DCAF4: variants seen among roughly 807,000 people sequenced by gnomAD.
DCAF4 encodes the protein DDB1 and CUL4 associated factor 4, also known as DDB1- and CUL4-associated factor 4.
Under a neutral mutation model 60.9 loss-of-function variants are expected in DCAF4, and 37 were observed. The observed-to-expected ratio is 0.61, with a 90% confidence interval of 0.47 to 0.80. DCAF4 has a LOEUF of 0.80. Among genes scored for constraint, DCAF4 ranks in the 30% least tolerant of loss-of-function variants. The pLI is 0.00. For synonymous variants in DCAF4, 243 were observed against 254.8 expected, an observed-to-expected ratio of 0.95 and a Z score of 0.44; for missense variants, 577 against 650.0, an observed-to-expected ratio of 0.89 and a Z score of 1.22.
In DCAF4 at chr14:72,940,259, A is replaced by T. The variant is rs539247726; in HGVS notation, c.233A>T (p.Tyr78Phe). 6.2e-7 allele frequency: 1 copy of T among 1,614,128 alleles called. No homozygotes were observed. Among genetic ancestry groups the T allele is most frequent in the Non-Finnish European group, 8.5e-7 (1 of 1,180,038 alleles). Residue 78 changes from tyrosine (Y) to phenylalanine (F), a missense_variant, in exon 4 of 14, where the codon TAC (tyrosine) becomes TTC (phenylalanine). Coordinates refer to ENST00000358377, the MANE Select transcript of DCAF4 (RefSeq NM_015604.4). ...TACTTTGACCCTGAAAAGAAACGCT[A>T]CTTCCGCTTGCTCCCTGGACATAAC... ...GFYFDPEKKR[Y>F]FRLLPGHNNC...
rs766653249 is a variant in DCAF4, at chr14:72,945,985, C to G, written c.636C>G (p.Leu212=). Residue 212 remains leucine, a synonymous_variant, in exon 7 of 14, where the codon CTC becomes CTG. Transcript: ENST00000358377. Reference sequence around the variant, plus strand: ...TGCAAAGTCTGAAGACCCCTACGCTCAAGGTGTTCATGCACGAAAACCTCT... The same window carrying G: ...TGCAAAGTCTGAAGACCCCTACGCTGAAGGTGTTCATGCACGAAAACCTCT... ...INLQSLKTPT[L]KVFMHENLYF... 3.1e-6 allele frequency: 5 copies of G among 1,614,172 alleles called. No homozygotes were observed. The highest frequency in any genetic ancestry group is 4.2e-6 in the Non-Finnish European group (5 of 1,180,034).
intron 5 of DCAF4, 63 bp from the exon 6 acceptor site, chr14:72,942,930 AC>A (rs1235131800): frequency 2.0e-6 from 3 of 1,495,898 alleles, no homozygotes; most frequent in East Asian, 4.5e-5. Flanking sequence ...AAGGCCAGAG[AC>A]CCCCGAATCT....
At chr14:72,929,763 C>G in intron 1 of DCAF4, 1 of 1,043,502 alleles carries the variant, frequency 9.6e-7, no homozygotes, top group East Asian at 2.4e-5. Flanking sequence ...CTCCATGGCG[C>G]GCAGCTCGTA....
chr14:72,932,831 G>C (rs1888740636), intron 1 of DCAF4, among the ~76,000 whole-genome samples: 2 of 152,150 alleles, frequency 1.3e-5, no homozygotes, highest in South Asian at 4.2e-4. Flanking sequence ...AGCCTCCCAA[G>C]CAGTTGGAAC....
chr14:72,949,008 C>T (rs1017015095), intron 8 of DCAF4, among the ~76,000 whole-genome samples: 11 of 152,192 alleles, frequency 7.2e-5, no homozygotes, highest in South Asian at 4.1e-4. Context: ...CACTTCCTTG[C>T]CTTCCAAACC....
At chr14:72,931,756 A>T (rs1415007118) in intron 1 of DCAF4, among the ~76,000 whole-genome samples, 1 of 152,056 alleles carries the variant, frequency 6.6e-6, no homozygotes, top group African/African-American at 2.4e-5. Context: ...CATTTTGTCC[A>T]GTGCTTTTTC....
intron 1 of DCAF4, among the ~76,000 whole-genome samples, chr14:72,930,085 C>A (rs929476017): frequency 1.3e-5 from 2 of 152,144 alleles, no homozygotes; most frequent in African/African-American, 4.8e-5. Flanking sequence ...GAGCGGAGAT[C>A]GCGCCACTGC....
intron 4 of DCAF4, 128 bp from the exon 5 acceptor site, chr14:72,941,617 A>G: frequency 2.0e-5 from 16 of 809,706 alleles, no homozygotes; most frequent in Non-Finnish European, 3.0e-5. Context: ...TCAGATTTTT[A>G]TGCATATAAT....
chr14:72,929,945 A>G, intron 1 of DCAF4: 2 of 966,340 alleles, frequency 2.1e-6, no homozygotes, highest in South Asian at 1.4e-5. Flanking sequence ...GCTGCTCTCC[A>G]TGGCGGCCGT....
At chr14:72,937,280 T>C (rs1889400518) in intron 1 of DCAF4, among the ~76,000 whole-genome samples, 1 of 152,084 alleles carries the variant, frequency 6.6e-6, no homozygotes, top group Non-Finnish European at 1.5e-5. Context: ...CCAGGTGGGA[T>C]GGGTCTCCCT....
At chr14:72,938,147 C>T (rs1889548767) in intron 2 of DCAF4, 77 bp downstream of exon 2, 21 of 1,502,508 alleles carry the variant, frequency 1.4e-5, no homozygotes, top group Admixed American at 2.3e-5. Context: ...CACACGATCA[C>T]AGGTGTGGAG....
downstream of DCAF4, chr14:72,960,701 G>C (rs1892785440): frequency 5.6e-6 from 6 of 1,063,212 alleles, no homozygotes; most frequent in Non-Finnish European, 7.0e-6. Flanking sequence ...GCAGAGACAG[G>C]CAAGTGCTGC....
intron 6 of DCAF4, among the ~76,000 whole-genome samples, chr14:72,944,971 C>A (rs533925818): frequency 1.1e-4 from 16 of 152,242 alleles, no homozygotes; most frequent in Non-Finnish European, 1.9e-4. Context: ...CACCTGTAGT[C>A]CCAGCTACTC....
In DCAF4 at chr14:72,939,902, G is replaced by A; in HGVS notation, c.193G>A (p.Glu65Lys). The change falls in exon 3 of 14, where the codon GAG becomes AAG. Residue 65 changes from glutamate to lysine, a missense_variant and splice_region_variant. Physicochemically the swap from Glu to Lys is moderately conservative, Grantham distance 56. Transcript: ENST00000358377. ...CACAGCTGGGACCTCCTCTGTGCCA[G>A]GTAAGGCCACTTGCGGGGTGGGAAT... is the stretch of plus-strand genomic sequence containing the variant. ...SGTAGTSSVP[E>K]LPGFYFDPEK... is the part of the protein sequence containing the mutation. 6.2e-7 allele frequency: 1 copy of A among 1,603,380 alleles called. No homozygotes were observed. Among genetic ancestry groups the A allele is most frequent in the South Asian group, 1.1e-5 (1 of 89,178 alleles).
Position 72,940,259 on chromosome 14 carries a change from A to C in DCAF4, c.233A>C (p.Tyr78Ser). The C allele has an allele frequency of 6.2e-7, 1 of 1,614,128 alleles. No homozygotes were observed. Among genetic ancestry groups the C allele is most frequent in the Non-Finnish European group, 8.5e-7 (1 of 1,180,038 alleles). ...GFYFDPEKKR[Y>S]FRLLPGHNNC... is the part of the protein sequence containing the mutation. ...TACTTTGACCCTGAAAAGAAACGCT[A>C]CTTCCGCTTGCTCCCTGGACATAAC... The change falls in exon 4 of 14, where the codon TAC becomes TCC. Residue 78 changes from tyrosine (Y) to serine (S), a missense_variant. Coordinates refer to ENST00000358377, the MANE Select transcript of DCAF4 (RefSeq NM_015604.4).
In DCAF4 at chr14:72,958,674, C is replaced by T. The variant is rs1385526297; in HGVS notation, c.1357C>T (p.Pro453Ser). Reference sequence around the variant, plus strand: ...CGATGCCCGCCTACTGAGAACCATACCCTCCCCGTACCCTGCCTCCAAGGC... The same window carrying T: ...CGATGCCCGCCTACTGAGAACCATATCCTCCCCGTACCCTGCCTCCAAGGC... ...LHDARLLRTI[P>S]SPYPASKADI... Residue 453 changes from proline (P) to serine (S), a missense_variant, in exon 14 of 14, where the codon CCC becomes TCC. Pro to Ser is a moderately conservative substitution (Grantham distance 74). Coordinates refer to ENST00000358377, the MANE Select transcript of DCAF4 (RefSeq NM_015604.4). 10 of 1,614,112 alleles carry T rather than the reference C, an allele frequency of 6.2e-6. No individual in the cohort carries two copies. The highest frequency in any genetic ancestry group is 6.8e-6 in the Non-Finnish European group (8 of 1,180,058).
chr14:72,956,810 G>T, intron 13 of DCAF4: 1 of 335,150 alleles, frequency 3.0e-6, no homozygotes. Context: ...CATCAGGCCA[G>T]CATTATTCCA....
chr14:72,941,939 T>C lies in DCAF4; in HGVS notation c.431+115T>C, dbSNP rs1890099611. 4 of 1,103,240 alleles carry C rather than the reference T, an allele frequency of 3.6e-6. No homozygotes were observed. The African/African-American group carries it at 6.3e-5, about 17-fold the overall frequency. 68.3% of individuals were successfully genotyped at this position (1,103,240 alleles called of 1,614,324 possible). A position where few individuals can be genotyped will look rare whatever the true frequency, so the allele number is the denominator to read the frequency against. On this transcript the variant is annotated intron_variant, in intron 5 of 13. Transcript: ENST00000358377. Reference sequence around the variant, plus strand: ...CCATGTGGCTACCCCGTGAAGCACCTGCACAGTTGAGGGGCTCCAGTTCAC... The same window carrying C: ...CCATGTGGCTACCCCGTGAAGCACCCGCACAGTTGAGGGGCTCCAGTTCAC...
chr14:72,927,506 C>T (rs564753313), intron 1 of DCAF4, among the ~76,000 whole-genome samples: 1 of 152,186 alleles, frequency 6.6e-6, no homozygotes, highest in African/African-American at 2.4e-5. Flanking sequence ...CGACCACCAC[C>T]TCGCCCGGCT....
Sources: allele counts gnomAD v4.1 joint callset (sites outside exome capture counted in the v4.1 genomes callset), GRCh38; gene constraint gnomAD v4.1.1; transcripts MANE v1.5; gene names NCBI Gene and HGNC (gene_info 2026-07-23, HGNC 2026-07-21).